Variants in PLPPR1 observed in about 807,000 individuals in gnomAD.
The protein encoded by PLPPR1 is phospholipid phosphatase-related protein type 1.
In PLPPR1, 10 loss-of-function variants were observed where a neutral mutation model predicts 33.1. The ratio of observed to expected loss-of-function variants is 0.30; its 90% CI spans 0.19 to 0.51. The LOEUF is 0.51. PLPPR1 is among the 20% of genes least tolerant of loss of function. PLPPR1 has a pLI of 0.97. For synonymous variants in PLPPR1, 151 were observed against 151.0 expected (o/e 1.00, Z 0.00); for missense variants, 304 against 408.1 (o/e 0.74, Z 2.20).
rs553324474 is a variant in PLPPR1, at chr9:101,316,616, C to CAAAAAAAAAAAAAAAAAAAAA, written c.814-737_814-736insAAAAAAAAAAAAAAAAAAAAA. On this transcript the variant is annotated intron_variant, in intron 6 of 7. Transcript: ENST00000374874. ...AGGGAAAAGGAGGGTTCTTCTTGGG[C>CAAAAAAAAAAAAAAAAAAAAA]AAAAAAAAAAAAGCAGGGAAGATGG... 4.6e-4 allele frequency among the ~76,000 whole-genome samples: 38 copies of CAAAAAAAAAAAAAAAAAAAAA among 82,502 alleles called. 2 individuals are homozygous for CAAAAAAAAAAAAAAAAAAAAA. Among genetic ancestry groups the CAAAAAAAAAAAAAAAAAAAAA allele is most frequent in the African/African-American group, 1.9e-3 (33 of 17,206 alleles). 54.1% of individuals were successfully genotyped at this position (82,502 alleles called of 152,430 possible).
At chr9:101,267,017 C>CTGA (rs1169106730) in intron 2 of PLPPR1, among the ~76,000 whole-genome samples, 1 of 152,236 alleles carries the variant, frequency 6.6e-6, no homozygotes, top group Non-Finnish European at 1.5e-5. Flanking sequence ...CTCCCAAGAG[C>CTGA]TGATGAAGCC....
intron 1 of PLPPR1, among the ~76,000 whole-genome samples, chr9:101,038,897 T>A (rs1212025545): frequency 6.6e-6 from 1 of 152,092 alleles, no homozygotes; most frequent in African/African-American, 2.4e-5. Context: ...CACTTCGAAG[T>A]TAGACAACAA....
intron 4 of PLPPR1, among the ~76,000 whole-genome samples, chr9:101,294,489 GAC>G (rs1009602313): frequency 5.9e-5 from 9 of 152,100 alleles, no homozygotes; most frequent in African/African-American, 2.2e-4. Context: ...GCCTGGCACA[GAC>G]ACAACAAAAA....
At chr9:101,323,909 C>G (rs56021420) in intron 7 of PLPPR1, 116 bp from the exon 8 acceptor site, 36,846 of 702,884 alleles carry the variant, frequency 0.052, 1,278 homozygotes, top group South Asian at 0.12. Context: ...ATTAGGGGGA[C>G]GGAACAGCCT....
intron 1 of PLPPR1, among the ~76,000 whole-genome samples, chr9:101,112,241 G>A (rs1831066052): frequency 6.6e-6 from 1 of 152,074 alleles, no homozygotes. Flanking sequence ...TTTCTATATT[G>A]TTTTATGAAG....
At chr9:101,286,543 G>T (rs1269812315) in intron 4 of PLPPR1, among the ~76,000 whole-genome samples, 1 of 152,136 alleles carries the variant, frequency 6.6e-6, no homozygotes, top group Admixed American at 6.5e-5. Context: ...GGGTTGGGGT[G>T]GGGGAGCATC....
chr9:101,060,253 C>T (rs531325609), intron 1 of PLPPR1, among the ~76,000 whole-genome samples: 73 of 151,932 alleles, frequency 4.8e-4, no homozygotes, highest in African/African-American at 1.7e-3. Flanking sequence ...TTCACTTATA[C>T]GTGGAGTGTC....
chr9:101,044,531 A>G (rs1009961106), intron 1 of PLPPR1, among the ~76,000 whole-genome samples: 4 of 152,226 alleles, frequency 2.6e-5, no homozygotes, highest in Admixed American at 6.5e-5. Context: ...AGGGTAACTC[A>G]AAGAGAATTG....
intron 2 of PLPPR1, among the ~76,000 whole-genome samples, chr9:101,237,656 C>A (rs1265868152): frequency 7.1e-6 from 1 of 141,406 alleles, no homozygotes; most frequent in Non-Finnish European, 1.5e-5. Flanking sequence ...CACACACACA[C>A]ACAAAATTCC....
intron 1 of PLPPR1, among the ~76,000 whole-genome samples, chr9:101,171,668 C>G (rs984682667): frequency 1.3e-5 from 2 of 152,176 alleles, no homozygotes; most frequent in African/African-American, 4.8e-5. Context: ...CCCACATCAT[C>G]TATTGGTGAA....
chr9:101,148,181 G>A (rs556542945), intron 1 of PLPPR1, among the ~76,000 whole-genome samples: 1 of 152,204 alleles, frequency 6.6e-6, no homozygotes, highest in Admixed American at 6.5e-5. Context: ...ACCTCCCTTG[G>A]ACCCTCATAC....
intron 7 of PLPPR1, among the ~76,000 whole-genome samples, chr9:101,322,226 A>AAG (rs1829167531): frequency 1.4e-5 from 2 of 141,450 alleles, no homozygotes; most frequent in African/African-American, 5.3e-5. Flanking sequence ...AAAAAAAAAA[A>AAG]AAGACAGAAA....
chr9:101,287,383 G>A (rs1005255540), intron 4 of PLPPR1, among the ~76,000 whole-genome samples: 5 of 152,126 alleles, frequency 3.3e-5, no homozygotes, highest in Non-Finnish European at 7.4e-5. Context: ...CTTCCCAGAG[G>A]GGCAAGATAA....
At chr9:101,266,217 A>G (rs919593899) in intron 2 of PLPPR1, among the ~76,000 whole-genome samples, 2 of 151,944 alleles carry the variant, frequency 1.3e-5, no homozygotes, top group African/African-American at 4.8e-5. Context: ...ACTCGAGGTC[A>G]AGAGTTTGAG....
chr9:101,230,790 AAAAGAATT>A (rs1827166411), intron 2 of PLPPR1, among the ~76,000 whole-genome samples: 1 of 151,700 alleles, frequency 6.6e-6, no homozygotes, highest in Non-Finnish European at 1.5e-5. Flanking sequence ...TTCAAAATAA[AAAAGAATT>A]AAAACATCAG....
intron 3 of PLPPR1, among the ~76,000 whole-genome samples, chr9:101,285,337 A>T (rs1828375104): frequency 6.6e-6 from 1 of 152,196 alleles, no homozygotes; most frequent in Non-Finnish European, 1.5e-5. Context: ...TAAGGGCATT[A>T]TAATTTAAAG....
At chr9:101,046,339 C>G (rs78464732) in intron 1 of PLPPR1, among the ~76,000 whole-genome samples, 4,599 of 151,914 alleles carry the variant, frequency 0.03, 160 homozygotes, top group East Asian at 0.14. Flanking sequence ...ACAGTTCATA[C>G]TTCCCCTCCA....
chr9:101,154,789 G>T, intron 1 of PLPPR1, among the ~76,000 whole-genome samples: 1 of 151,972 alleles, frequency 6.6e-6, no homozygotes, highest in Non-Finnish European at 1.5e-5. Context: ...GCCATAAAAA[G>T]GATGAGTTCA....
intron 3 of PLPPR1, among the ~76,000 whole-genome samples, chr9:101,272,781 G>A (rs924493893): frequency 2.0e-5 from 3 of 152,158 alleles, no homozygotes; most frequent in Non-Finnish European, 4.4e-5. Context: ...AAAGAACTTA[G>A]TCTATGTTTA....
Sources: gnomAD v4.1 joint callset for allele counts (sites outside exome capture counted in the v4.1 genomes callset) on GRCh38, gnomAD v4.1.1 for gene constraint, MANE v1.5 for transcripts, NCBI Gene and HGNC (gene_info 2026-07-23, HGNC 2026-07-21) for gene names.